The following HORMAD1 variants were observed in gnomAD, a reference collection of about 807,000 sequenced individuals.
HORMAD1 encodes HORMA domain containing 1, also known as HORMA domain-containing protein 1.
In HORMAD1, 33 loss-of-function variants were observed where a neutral mutation model predicts 58.2. The ratio of observed to expected loss-of-function variants is 0.57; its 90% confidence interval spans 0.43 to 0.76. The LOEUF (loss-of-function observed/expected upper bound fraction) is 0.76. HORMAD1 is among the 30% of genes least tolerant of loss of function. The pLI is 0.00. For missense variants in HORMAD1, 363 were observed against 462.0 expected (o/e 0.79, Z 1.96); for synonymous variants, 137 against 144.6 (o/e 0.95, Z 0.38).
At chr1:150,701,267 A>G (rs1251287206) in intron 13 of HORMAD1, among the ~76,000 whole-genome samples, 2 of 152,178 alleles carry the variant, frequency 1.3e-5, no homozygotes, top group Non-Finnish European at 2.9e-5. Flanking sequence ...TATTCATCCT[A>G]CATATAAACT....
chr1:150,700,034 C>A, intron 14 of HORMAD1, 78 bp downstream of exon 14: 2 of 656,800 alleles, frequency 3.0e-6, no homozygotes, highest in South Asian at 4.3e-5. Context: ...TCAAATTCAT[C>A]ATTTTAAATT....
Position 150,717,258 on chromosome 1 carries a change from T to C in HORMAD1, c.58A>G (p.Ile20Val), listed in dbSNP as rs1331008053. ...PMSALVFPNK[I>V]STEHQSLVLV... The stretch of plus-strand genomic sequence containing the variant: ...ACCAAAGACTGGTGTTCAGTTGATA[T>C]CTTATTGGGAAATACCAGTGCACTC... Residue 20 changes from isoleucine (I) to valine (V), a missense_variant, in exon 3 of 15, where the codon ATA becomes GTA. Around this residue, in one of 3 missense-constraint regions of HORMAD1, gnomAD observed 128 missense variants for 171.8 expected, o/e 0.74. Coordinates refer to ENST00000361824, the MANE Select transcript of HORMAD1 (RefSeq NM_032132.5). 8.9e-6 allele frequency: 14 copies of C among 1,580,490 alleles called. No individual in the cohort carries two copies. In the South Asian group the frequency reaches 1.4e-4, roughly 16 times the overall value.
Position 150,717,226 on chromosome 1 carries a change from C to T in HORMAD1, c.90G>A (p.Val30=). ...ATACTGAAACTGCTAGAAGCCTCTTCACTAACACCAAAGACTGGTGTTCAG... is the reference window on the plus strand; with the variant it reads ...ATACTGAAACTGCTAGAAGCCTCTTTACTAACACCAAAGACTGGTGTTCAG... ...ISTEHQSLVL[V]KRLLAVSVSC... Residue 30 remains valine (V), a synonymous_variant, in exon 3 of 15, where the codon GTG becomes GTA. Coordinates refer to ENST00000361824, the MANE Select transcript of HORMAD1 (RefSeq NM_032132.5). The T allele has an allele frequency of 6.3e-7, 1 of 1,595,304 alleles. No individual in the cohort carries two copies. Among genetic ancestry groups the T allele is most frequent in the Non-Finnish European group, 8.6e-7 (1 of 1,167,460 alleles).
At chr1:150,713,072 G>T (rs1249923147) in intron 5 of HORMAD1, among the ~76,000 whole-genome samples, 1 of 151,918 alleles carries the variant, frequency 6.6e-6, no homozygotes, top group African/African-American at 2.4e-5. Flanking sequence ...TTGCTGCTCT[G>T]CCAGGAGTAT....
At chr1:150,703,275 G>T in intron 13 of HORMAD1, 35 bp downstream of exon 13, 1 of 1,105,618 alleles carries the variant, frequency 9.0e-7, no homozygotes, top group African/African-American at 1.6e-5. Context: ...GAATTACAAG[G>T]TTACAATGGA....
Position 150,698,503 on chromosome 1 carries a change from C to A in HORMAD1, c.*151G>T. On this transcript the variant is annotated 3_prime_UTR_variant, in exon 15 of 15. Transcript: ENST00000361824. ...ATTGGATTTATCTCAAGATTAAGGA[C>A]CACAATATGACAGTCAGCCAAAAAC... The A allele has an allele frequency of 2.4e-6, 1 of 423,350 alleles. No individual in the cohort carries two copies. The highest frequency in any genetic ancestry group is 4.3e-6 in the Non-Finnish European group (1 of 233,106). 26.2% of individuals were successfully genotyped at this position (423,350 alleles called of 1,614,324 possible). A position where few individuals can be genotyped will look rare whatever the true frequency, so the allele number is the denominator to read the frequency against.
chr1:150,713,349 T>C (rs1651959007), intron 5 of HORMAD1, among the ~76,000 whole-genome samples: 2 of 152,266 alleles, frequency 1.3e-5, no homozygotes, highest in African/African-American at 4.8e-5. Flanking sequence ...CTAGAAGAGA[T>C]GCCTAACACA....
chr1:150,698,753 T>C lies in HORMAD1; in HGVS notation c.1105-19A>G, dbSNP rs1557793534. On this transcript the variant is annotated intron_variant, in intron 14 of 14. Transcript: ENST00000361824. ...GGAGGACCTGTCAAAAGAAAACAACTACTAAGAATAGATACTTTCCTGTTT... is the reference window on the plus strand; with the variant it reads ...GGAGGACCTGTCAAAAGAAAACAACCACTAAGAATAGATACTTTCCTGTTT... The C allele has an allele frequency of 1.5e-6, 2 of 1,341,430 alleles. No individual in the cohort carries two copies. Among genetic ancestry groups the C allele is most frequent in the Non-Finnish European group, 2.1e-6 (2 of 950,660 alleles). 83.1% of individuals were successfully genotyped at this position (1,341,430 alleles called of 1,614,324 possible). A position where few individuals can be genotyped will look rare whatever the true frequency, so the allele number is the denominator to read the frequency against.
intron 12 of HORMAD1, 112 bp downstream of exon 12, chr1:150,704,006 G>T: frequency 1.5e-6 from 1 of 665,566 alleles, no homozygotes; most frequent in Non-Finnish European, 2.5e-6. Flanking sequence ...TCTAAATATT[G>T]AATTTTATTC....
chr1:150,715,592 A>G (rs1652043688), intron 3 of HORMAD1, among the ~76,000 whole-genome samples: 1 of 152,068 alleles, frequency 6.6e-6, no homozygotes, highest in African/African-American at 2.4e-5. Context: ...TATTATTATT[A>G]TTATTTTAAT....
rs982306193 is a variant in HORMAD1, at chr1:150,712,005, T to A, written c.280-152A>T. The A allele has an allele frequency of 3.1e-5, 19 of 611,680 alleles. No individual in the cohort carries two copies. The African/African-American group carries it at 3.2e-4, about 10-fold the overall frequency. 37.9% of individuals were successfully genotyped at this position (611,680 alleles called of 1,614,324 possible). A position where few individuals can be genotyped will look rare whatever the true frequency, so the allele number is the denominator to read the frequency against. ...GACTGCATAAGATCAATGCCTATAA[T>A]GCAGTACCTTAGATATGCTTCCCTA... On this transcript the variant is annotated intron_variant, in intron 5 of 14. Coordinates refer to ENST00000361824, the MANE Select transcript of HORMAD1 (RefSeq NM_032132.5).
chr1:150,710,592 TG>T (rs1651844908), intron 7 of HORMAD1, among the ~76,000 whole-genome samples: 1 of 152,260 alleles, frequency 6.6e-6, no homozygotes, highest in African/African-American at 2.4e-5. Context: ...ATTAGTTTTC[TG>T]AACACAATCT....
At chr1:150,712,606 T>A (rs1165030479) in intron 5 of HORMAD1, among the ~76,000 whole-genome samples, 1 of 152,206 alleles carries the variant, frequency 6.6e-6, no homozygotes, top group African/African-American at 2.4e-5. Flanking sequence ...TGGAGTACAG[T>A]GGCATGATCT....
chr1:150,715,975 T>C (rs913393106), intron 3 of HORMAD1, among the ~76,000 whole-genome samples: 4 of 151,678 alleles, frequency 2.6e-5, no homozygotes, highest in East Asian at 1.9e-4. Context: ...GCATTATTCA[T>C]AATAGCCAAA....
chr1:150,707,658 G>A (rs189667828), intron 9 of HORMAD1, among the ~76,000 whole-genome samples: 56 of 152,280 alleles, frequency 3.7e-4, no homozygotes, highest in African/African-American at 1.2e-3. Context: ...CTGCTCAGCC[G>A]GGTGCTGTGG....
rs1218686587 is a variant in HORMAD1, at chr1:150,708,339, C to T, written c.464G>A (p.Arg155His). ...DTKKASILLI[R>H]KIYILMQNLG... ...ATTTTGCATTAGGATATAAATCTTGCGAATGAGGAGAATGCTTGCTTTCTT... is the reference window on the plus strand; with the variant it reads ...ATTTTGCATTAGGATATAAATCTTGTGAATGAGGAGAATGCTTGCTTTCTT... Residue 155 changes from arginine (R) to histidine (H), a missense_variant, in exon 9 of 15, where the codon CGC (arginine) becomes CAC (histidine). Transcript: ENST00000361824. 5 of 1,610,102 alleles carry T rather than the reference C, an allele frequency of 3.1e-6. No individual in the cohort carries two copies. The highest frequency in any genetic ancestry group is 2.2e-5 in the East Asian group (1 of 44,596).
At chr1:150,720,121 C>A (rs1652204349) in intron 1 of HORMAD1, among the ~76,000 whole-genome samples, 1 of 151,826 alleles carries the variant, frequency 6.6e-6, no homozygotes, top group Non-Finnish European at 1.5e-5. Flanking sequence ...GTTGCCCAGG[C>A]TGGAGTGTAA....
At chr1:150,711,593 T>C in intron 6 of HORMAD1, 22 bp from the exon 7 acceptor site, 1 of 1,571,414 alleles carries the variant, frequency 6.4e-7, no homozygotes, top group Non-Finnish European at 8.8e-7. Flanking sequence ...CAATTTACAA[T>C]TGAGTTATCT....
At chr1:150,707,568 G>T (rs587599514) in intron 9 of HORMAD1, among the ~76,000 whole-genome samples, 1 of 152,186 alleles carries the variant, frequency 6.6e-6, no homozygotes, top group Non-Finnish European at 1.5e-5. Flanking sequence ...AAGATAGTGT[G>T]CATTTAAAAT....
Sources: allele counts gnomAD v4.1 joint callset (sites outside exome capture counted in the v4.1 genomes callset), GRCh38; gene constraint gnomAD v4.1.1; regional missense constraint gnomAD v4.1.1; transcripts MANE v1.5; gene names NCBI Gene and HGNC (gene_info 2026-07-23, HGNC 2026-07-21).